The following THSD7A variants were observed in gnomAD, a reference collection of about 807,000 sequenced individuals.
THSD7A encodes thrombospondin type-1 domain-containing protein 7A.
Under a neutral mutation model 231.3 loss-of-function variants are expected in THSD7A, and 96 were observed. The observed-to-expected ratio is 0.41, with a 90% confidence interval of 0.35 to 0.49. The LOEUF is 0.49. THSD7A is among the 20% of genes least tolerant of loss of function. THSD7A has a pLI of 0.05. For missense variants in THSD7A, 2,290 were observed against 2,070.2 expected, an observed-to-expected ratio of 1.11 and a Z score of -2.06; for synonymous variants, 940 against 743.3, an observed-to-expected ratio of 1.26 and a Z score of -4.30.
intron 13 of THSD7A, among the ~76,000 whole-genome samples, chr7:11,429,509 A>G (rs959874229): frequency 1.3e-5 from 2 of 152,240 alleles, no homozygotes; most frequent in African/African-American, 4.8e-5. Flanking sequence ...ATGTCACACA[A>G]GTTCAGGGTT....
chr7:11,565,333 A>G (rs1213601308), intron 4 of THSD7A, among the ~76,000 whole-genome samples: 2 of 152,198 alleles, frequency 1.3e-5, no homozygotes, highest in Non-Finnish European at 2.9e-5. Flanking sequence ...AGCTCCACAC[A>G]TTTGCTGAGC....
intron 1 of THSD7A, among the ~76,000 whole-genome samples, chr7:11,670,865 C>T (rs1783359155): frequency 6.6e-6 from 1 of 152,122 alleles, no homozygotes; most frequent in Admixed American, 6.6e-5. Flanking sequence ...TTTACTGATA[C>T]GATGTTAAGC....
intron 4 of THSD7A, among the ~76,000 whole-genome samples, chr7:11,559,356 A>C (rs4278065): frequency 0.48 from 72,469 of 151,606 alleles, 17,694 homozygotes; most frequent in Admixed American, 0.6. Flanking sequence ...AGTTATAAAT[A>C]ATTGCAAGAT....
chr7:11,747,692 G>A (rs1311950520), intron 1 of THSD7A, among the ~76,000 whole-genome samples: 1 of 151,874 alleles, frequency 6.6e-6, no homozygotes, highest in Non-Finnish European at 1.5e-5. Flanking sequence ...AATTGACAGT[G>A]CATATGTGCT....
At chr7:11,744,855 G>A (rs1228716346) in intron 1 of THSD7A, among the ~76,000 whole-genome samples, 2 of 151,896 alleles carry the variant, frequency 1.3e-5, no homozygotes, top group African/African-American at 4.8e-5. Flanking sequence ...TTGGACATTT[G>A]GCTTGGTTCC....
intron 1 of THSD7A, among the ~76,000 whole-genome samples, chr7:11,747,715 G>A (rs985943825): frequency 1.6e-4 from 25 of 151,972 alleles, no homozygotes; most frequent in African/African-American, 5.8e-4. Flanking sequence ...TGTAGGGATG[G>A]AAAAGGGGTG....
intron 6 of THSD7A, among the ~76,000 whole-genome samples, chr7:11,513,485 T>C (rs1296446909): frequency 6.6e-6 from 1 of 152,152 alleles, no homozygotes; most frequent in African/African-American, 2.4e-5. Context: ...TACTGACTTG[T>C]ACATGCCATC....
At chr7:11,753,738 T>G (rs1188464104) in intron 1 of THSD7A, among the ~76,000 whole-genome samples, 1 of 151,790 alleles carries the variant, frequency 6.6e-6, no homozygotes, top group Non-Finnish European at 1.5e-5. Flanking sequence ...AAAAGATTAA[T>G]GCACTTGCTA....
chr7:11,381,914 C>T (rs1417276688), intron 24 of THSD7A, among the ~76,000 whole-genome samples: 3 of 151,952 alleles, frequency 2.0e-5, no homozygotes, highest in Non-Finnish European at 4.4e-5. Context: ...ATATGTTGGT[C>T]GAAGTACAAT....
chr7:11,499,582 C>A (rs1453362750), intron 6 of THSD7A, among the ~76,000 whole-genome samples: 4 of 152,112 alleles, frequency 2.6e-5, no homozygotes, highest in Non-Finnish European at 5.9e-5. Flanking sequence ...CACAGTAAAG[C>A]AATACAGGAG....
At chr7:11,754,289 G>T (rs1378547607) in intron 1 of THSD7A, among the ~76,000 whole-genome samples, 1 of 152,006 alleles carries the variant, frequency 6.6e-6, no homozygotes. Flanking sequence ...ACGGAAGTGA[G>T]AACTCGAGGT....
chr7:11,791,102 AC>A (rs1199872262), intron 1 of THSD7A, among the ~76,000 whole-genome samples: 1 of 152,004 alleles, frequency 6.6e-6, no homozygotes, highest in East Asian at 1.9e-4. Flanking sequence ...AAGGAAAACT[AC>A]ATTTAAAACT....
chr7:11,542,513 A>G (rs548314319), intron 5 of THSD7A, among the ~76,000 whole-genome samples: 3 of 152,204 alleles, frequency 2.0e-5, no homozygotes, highest in Non-Finnish European at 4.4e-5. Context: ...ATTATTGGGC[A>G]CTAGGTATGG....
intron 4 of THSD7A, among the ~76,000 whole-genome samples, chr7:11,559,031 G>A (rs964806708): frequency 2.0e-5 from 3 of 152,138 alleles, no homozygotes; most frequent in Admixed American, 6.5e-5. Flanking sequence ...ATATGCCATT[G>A]CTGGCTTTGG....
chr7:11,769,153 A>ATATATTTTTTTTTTTTTT, intron 1 of THSD7A, among the ~76,000 whole-genome samples: 1 of 27,660 alleles, frequency 3.6e-5, no homozygotes, highest in Non-Finnish European at 7.0e-5. Context: ...ATATATATAT[A>ATATATTTTTTTTTTTTTT]TTTTTTTTTT....
intron 7 of THSD7A, among the ~76,000 whole-genome samples, chr7:11,478,456 C>T (rs2128303773): frequency 6.6e-6 from 1 of 152,248 alleles, no homozygotes. Flanking sequence ...TGGGCTCTGA[C>T]AACCCACTCT....
intron 13 of THSD7A, among the ~76,000 whole-genome samples, 167 bp downstream of exon 13, chr7:11,445,894 A>G (rs1404419291): frequency 6.6e-6 from 1 of 152,032 alleles, no homozygotes; most frequent in Non-Finnish European, 1.5e-5. Flanking sequence ...AGGCAATGCC[A>G]TTGAATGTCC....
chr7:11,705,428 T>A (rs1562490260), intron 1 of THSD7A, among the ~76,000 whole-genome samples: 1 of 151,026 alleles, frequency 6.6e-6, no homozygotes, highest in Non-Finnish European at 1.5e-5. Flanking sequence ...CTTCTGGAAG[T>A]TGACTCAGTA....
intron 1 of THSD7A, among the ~76,000 whole-genome samples, chr7:11,688,823 A>G (rs1780144959): frequency 6.6e-6 from 1 of 151,826 alleles, no homozygotes; most frequent in South Asian, 2.1e-4. Flanking sequence ...CTCTGCACTC[A>G]TCTTGCATTA....
Sources: gnomAD v4.1 joint callset for allele counts (sites outside exome capture counted in the v4.1 genomes callset) on GRCh38, gnomAD v4.1.1 for gene constraint, MANE v1.5 for transcripts, NCBI Gene and HGNC (gene_info 2026-07-23, HGNC 2026-07-21) for gene names.